Variants in PCDH15 observed in about 807,000 individuals in gnomAD.
PCDH15 encodes the protein protocadherin-15.
PCDH15 carries 129 observed loss-of-function variants against 178.5 expected under a neutral mutation model. The ratio of observed to expected loss-of-function variants is 0.72; its 90% confidence interval spans 0.63 to 0.84. The LOEUF is 0.84. Ranked by LOEUF, PCDH15 falls within the 40% of genes least tolerant of loss-of-function variation. PCDH15 has a pLI of 0.00. For synonymous variants in PCDH15, 800 were observed against 732.0 expected (o/e 1.09, Z -1.50); for missense variants, 2,230 against 2,099.9 (o/e 1.06, Z -1.21).
intron 23 of PCDH15, among the ~76,000 whole-genome samples, chr10:53,946,114 A>G (rs2086553001): frequency 2.6e-5 from 4 of 152,084 alleles, no homozygotes; most frequent in Non-Finnish European, 5.9e-5. Context: ...TAAAAGTTAA[A>G]TCTACAATGA....
intron 2 of PCDH15, among the ~76,000 whole-genome samples, chr10:54,547,063 T>C (rs1453890229): frequency 6.6e-6 from 1 of 152,156 alleles, no homozygotes; most frequent in Non-Finnish European, 1.5e-5. Context: ...TTCCAGTCAA[T>C]ATTTGTTGGC....
At chr10:55,597,867 G>A (rs1252597872) in intron 2 of PCDH15, among the ~76,000 whole-genome samples, 2 of 152,076 alleles carry the variant, frequency 1.3e-5, no homozygotes, top group Non-Finnish European at 2.9e-5. Flanking sequence ...TGCCTAGATG[G>A]GTCCGCAAAA....
chr10:54,830,706 T>C (rs995312077), intron 3 of PCDH15, among the ~76,000 whole-genome samples: 51 of 151,520 alleles, frequency 3.4e-4, no homozygotes, highest in African/African-American at 1.2e-3. Flanking sequence ...GCACATTATG[T>C]ACATGTACCC....
At chr10:54,247,166 T>C (rs1012839055) in intron 8 of PCDH15, among the ~76,000 whole-genome samples, 10 of 152,002 alleles carry the variant, frequency 6.6e-5, no homozygotes, top group South Asian at 2.1e-4. Flanking sequence ...TCTCTTTCCA[T>C]ATATACCTGG....
At chr10:55,065,757 A>C (rs1484840702) in intron 2 of PCDH15, among the ~76,000 whole-genome samples, 1 of 152,030 alleles carries the variant, frequency 6.6e-6, no homozygotes, top group East Asian at 1.9e-4. Flanking sequence ...AGACCAGTTT[A>C]TTTATAGTCT....
intron 25 of PCDH15, among the ~76,000 whole-genome samples, chr10:53,924,967 G>A (rs1321392605): frequency 6.6e-6 from 1 of 152,114 alleles, no homozygotes; most frequent in East Asian, 1.9e-4. Flanking sequence ...GCACCAATCA[G>A]CACCCTGTCA....
At chr10:53,986,066 C>A (rs1330769540) in intron 21 of PCDH15, among the ~76,000 whole-genome samples, 3 of 151,880 alleles carry the variant, frequency 2.0e-5, no homozygotes, top group Non-Finnish European at 2.9e-5. Context: ...TTGTTAACTA[C>A]AGTCACAATT....
At chr10:54,046,793 T>C (rs1037761821) in intron 18 of PCDH15, among the ~76,000 whole-genome samples, 1 of 152,180 alleles carries the variant, frequency 6.6e-6, no homozygotes, top group African/African-American at 2.4e-5. Flanking sequence ...TAAATCACTT[T>C]TGTGTATTAC....
chr10:54,556,304 T>G (rs1472720236), intron 2 of PCDH15, among the ~76,000 whole-genome samples: 1 of 152,198 alleles, frequency 6.6e-6, no homozygotes, highest in East Asian at 1.9e-4. Context: ...ACAGTTTTAC[T>G]GCAGAAGTGT....
chr10:55,053,341 T>C (rs923523536), intron 2 of PCDH15, among the ~76,000 whole-genome samples: 1 of 152,144 alleles, frequency 6.6e-6, no homozygotes, highest in Non-Finnish European at 1.5e-5. Context: ...TATAAAAGCA[T>C]GCTAACCCAG....
At chr10:55,416,622 A>T (rs1838490760) in intron 2 of PCDH15, among the ~76,000 whole-genome samples, 1 of 151,792 alleles carries the variant, frequency 6.6e-6, no homozygotes, top group Non-Finnish European at 1.5e-5. Flanking sequence ...TAAAGTTGGC[A>T]GGAAAAGCTA....
chr10:54,183,215 C>G (rs571479571), intron 13 of PCDH15, among the ~76,000 whole-genome samples: 1 of 152,332 alleles, frequency 6.6e-6, no homozygotes, highest in African/African-American at 2.4e-5. Context: ...AGGTGATCCA[C>G]TTGCCTTGGC....
intron 25 of PCDH15, among the ~76,000 whole-genome samples, chr10:53,931,788 A>C (rs1310337306): frequency 6.6e-6 from 1 of 152,204 alleles, no homozygotes; most frequent in Non-Finnish European, 1.5e-5. Context: ...TCAATATATG[A>C]ATCTAATACT....
At chr10:55,261,920 C>T (rs1842154094) in intron 1 of PCDH15, among the ~76,000 whole-genome samples, 1 of 151,336 alleles carries the variant, frequency 6.6e-6, no homozygotes, top group Non-Finnish European at 1.5e-5. Flanking sequence ...CCTCAGAAAG[C>T]CAAAAACAAA....
At chr10:54,986,735 G>A (rs1249407215) in intron 2 of PCDH15, among the ~76,000 whole-genome samples, 2 of 151,966 alleles carry the variant, frequency 1.3e-5, no homozygotes, top group African/African-American at 4.8e-5. Context: ...ACACATTATT[G>A]TAACTACCGC....
intron 28 of PCDH15, among the ~76,000 whole-genome samples, chr10:53,841,958 A>C (rs972776939): frequency 2.0e-5 from 3 of 151,610 alleles, no homozygotes; most frequent in Non-Finnish European, 1.5e-5. Flanking sequence ...AAAAAAAAAA[A>C]AAAAAAACAA....
At chr10:55,381,085 A>G (rs1213425560) in intron 2 of PCDH15, among the ~76,000 whole-genome samples, 1 of 152,032 alleles carries the variant, frequency 6.6e-6, no homozygotes, top group Admixed American at 6.6e-5. Flanking sequence ...GACAGAAACA[A>G]TTTTCCCCTG....
At chr10:55,205,141 A>G (rs1353688421) in intron 1 of PCDH15, among the ~76,000 whole-genome samples, 1 of 152,082 alleles carries the variant, frequency 6.6e-6, no homozygotes, top group Non-Finnish European at 1.5e-5. Flanking sequence ...ATGATAGAGA[A>G]GTGATAAAAA....
intron 2 of PCDH15, among the ~76,000 whole-genome samples, chr10:55,123,384 T>C (rs1837820612): frequency 6.6e-6 from 1 of 152,148 alleles, no homozygotes; most frequent in African/African-American, 2.4e-5. Flanking sequence ...AACAAAATTT[T>C]TTTAATGATA....
Sources: gnomAD v4.1 joint callset for allele counts (sites outside exome capture counted in the v4.1 genomes callset) on GRCh38, gnomAD v4.1.1 for gene constraint, MANE v1.5 for transcripts, NCBI Gene and HGNC (gene_info 2026-07-23, HGNC 2026-07-21) for gene names.